ARSJ: variants seen among roughly 807,000 people sequenced by gnomAD.
ARSJ encodes the protein arylsulfatase J.
Under a neutral mutation model 35.9 loss-of-function variants are expected in ARSJ, and 26 were observed. The ratio of observed to expected loss-of-function variants is 0.72; its 90% confidence interval spans 0.53 to 1.00. The LOEUF is 1.00. ARSJ is among the 50% of genes least tolerant of loss of function. ARSJ has a pLI of 0.00. For missense variants in ARSJ, 667 were observed against 723.6 expected, an observed-to-expected ratio of 0.92 and a Z score of 0.90; for synonymous variants, 294 against 267.6, an observed-to-expected ratio of 1.10 and a Z score of -0.96.
chr4:113,974,059 T>C (rs1029317097), intron 1 of ARSJ, among the ~76,000 whole-genome samples: 1 of 152,160 alleles, frequency 6.6e-6, no homozygotes, highest in Non-Finnish European at 1.5e-5. Flanking sequence ...GTCTTTTTAA[T>C]AAACAGTGTG....
intron 1 of ARSJ, among the ~76,000 whole-genome samples, chr4:113,904,451 T>A (rs2099668114): frequency 6.6e-6 from 1 of 152,136 alleles, no homozygotes; most frequent in South Asian, 2.1e-4. Context: ...CAAGGAAAAA[T>A]TAGAGAAAAA....
At position 113,924,241 on chromosome 4, in the gene ARSJ, G is replaced by A. The variant is rs893371989; in HGVS notation, c.399-20566C>T. On this transcript the variant is annotated intron_variant, in intron 1 of 1. Transcript: ENST00000315366. Reference sequence around the variant, plus strand: ...AAAACTGAAGAACTTGGAGTCCAACGTTCGAGGGCAGGAAGCAGCCAGCAT... The same window carrying A: ...AAAACTGAAGAACTTGGAGTCCAACATTCGAGGGCAGGAAGCAGCCAGCAT... Among the ~76,000 whole-genome samples, 12 of 151,446 alleles carry A rather than the reference G, an allele frequency of 7.9e-5. No homozygotes were observed. The Middle Eastern group carries it at 0.01, about 130-fold the overall frequency.
At chr4:113,918,616 T>C (rs933188503) in intron 1 of ARSJ, among the ~76,000 whole-genome samples, 5 of 152,148 alleles carry the variant, frequency 3.3e-5, no homozygotes, top group Admixed American at 2.0e-4. Flanking sequence ...ATAGATATAT[T>C]AATCAATGCC....
chr4:113,948,350 G>C (rs559649033), intron 1 of ARSJ, among the ~76,000 whole-genome samples: 3 of 151,964 alleles, frequency 2.0e-5, no homozygotes, highest in Non-Finnish European at 2.9e-5. Flanking sequence ...AATCCAAATG[G>C]TTTACTGACA....
At position 113,978,865 on chromosome 4, in the gene ARSJ, G is replaced by A. The variant is rs1373882429; in HGVS notation, c.-31C>T. ...CAGGTCCCAGGTGAGACTCCACGCGGAGAACCACGCGCCCCGCGCCGCTGC... is the reference window on the plus strand; with the variant it reads ...CAGGTCCCAGGTGAGACTCCACGCGAAGAACCACGCGCCCCGCGCCGCTGC... On this transcript the variant is annotated 5_prime_UTR_variant, in exon 1 of 2. Transcript: ENST00000315366. 6.4e-7 allele frequency: 1 copy of A among 1,558,528 alleles called. No homozygotes were observed. Among genetic ancestry groups the A allele is most frequent in the Non-Finnish European group, 8.7e-7 (1 of 1,155,938 alleles).
chr4:113,939,346 T>C (rs1312452104), intron 1 of ARSJ, among the ~76,000 whole-genome samples: 3 of 149,476 alleles, frequency 2.0e-5, no homozygotes, highest in Admixed American at 6.8e-5. Flanking sequence ...GTCTTTGCTA[T>C]TGTGAATAGT....
At chr4:113,932,714 G>A (rs1562352207) in intron 1 of ARSJ, among the ~76,000 whole-genome samples, 1 of 152,098 alleles carries the variant, frequency 6.6e-6, no homozygotes, top group East Asian at 1.9e-4. Flanking sequence ...AAAGCAGCAT[G>A]AAGAGGAAAG....
rs894616548 is a variant in ARSJ, at chr4:113,902,975, T to C, written c.1099A>G (p.Lys367Glu). 1 of 1,614,060 alleles carries C rather than the reference T, an allele frequency of 6.2e-7. No homozygotes were observed. Among genetic ancestry groups the C allele is most frequent in the African/African-American group, 1.3e-5 (1 of 74,914 alleles). The change falls in exon 2 of 2, where the codon AAG (lysine) becomes GAG (glutamate). Residue 367 changes from lysine (K) to glutamate (E), a missense_variant. By Grantham distance (56) the Lys-to-Glu change is moderately conservative. Transcript: ENST00000315366. ...ACAAGTTCCTTACACACTGTTCCCT[T>C]GTTTTTCAGAAGTGGGCTATGCACA... is the stretch of plus-strand genomic sequence containing the variant. ...GFVHSPLLKN[K>E]GTVCKELVHI... is the part of the protein sequence containing the mutation.
At chr4:113,976,238 T>C (rs1262538704) in intron 1 of ARSJ, among the ~76,000 whole-genome samples, 8 of 152,222 alleles carry the variant, frequency 5.3e-5, no homozygotes, top group Non-Finnish European at 2.9e-5. Context: ...TGTGAAGATA[T>C]TTGAATCATG....
At chr4:113,927,042 G>A (rs1044338057) in intron 1 of ARSJ, among the ~76,000 whole-genome samples, 2 of 152,152 alleles carry the variant, frequency 1.3e-5, no homozygotes, top group African/African-American at 4.8e-5. Flanking sequence ...CTGTTGCAGA[G>A]CGTTCTTTTG....
intron 1 of ARSJ, among the ~76,000 whole-genome samples, chr4:113,959,408 C>T (rs1391121441): frequency 6.6e-6 from 1 of 151,812 alleles, no homozygotes; most frequent in African/African-American, 2.4e-5. Flanking sequence ...AAACATGAGT[C>T]AGAGTAATAA....
chr4:113,920,974 G>A (rs1723636638), intron 1 of ARSJ, among the ~76,000 whole-genome samples: 1 of 151,916 alleles, frequency 6.6e-6, no homozygotes, highest in Admixed American at 6.6e-5. Flanking sequence ...TTAAAGCTGG[G>A]CTTGCTACAT....
chr4:113,979,290 C>A lies in ARSJ; in HGVS notation c.-456G>T. 1 of 160,100 alleles carries A rather than the reference C, an allele frequency of 6.2e-6. No homozygotes were observed. The highest frequency in any genetic ancestry group is 1.4e-5 in the Non-Finnish European group (1 of 72,654). 9.9% of individuals were successfully genotyped at this position (160,100 alleles called of 1,614,324 possible). ...GCGGCGGGATCGGCCGTCTGTCCTG[C>A]GGTCCCCACACCTGGAAAGAACTGC... On this transcript the variant is annotated 5_prime_UTR_variant, in exon 1 of 2. Transcript: ENST00000315366.
At chr4:113,924,032 TATAA>T (rs1446074178) in intron 1 of ARSJ, among the ~76,000 whole-genome samples, 27 of 3,698 alleles carry the variant, frequency 7.3e-3, no homozygotes, top group African/African-American at 8.0e-3. Context: ...CATATATATA[TATAA>T]ATATATATAA....
At chr4:113,977,233 C>A (rs1389190872) in intron 1 of ARSJ, among the ~76,000 whole-genome samples, 1 of 152,140 alleles carries the variant, frequency 6.6e-6, no homozygotes, top group African/African-American at 2.4e-5. Flanking sequence ...TTTTCTGATG[C>A]CACAGTTAAC....
chr4:113,928,496 A>T (rs1724222159), intron 1 of ARSJ, among the ~76,000 whole-genome samples: 1 of 152,200 alleles, frequency 6.6e-6, no homozygotes, highest in South Asian at 2.1e-4. Context: ...GTAGGAATGC[A>T]GTAGGCTTCC....
rs186957138 is a variant in ARSJ at position 113,946,830 on chromosome 4, G to C, written c.398+31607C>G. On this transcript the variant is annotated intron_variant, in intron 1 of 1. Transcript: ENST00000315366. ...TGGCGACTTGAATTACAGCTGTTTT[G>C]TTTTTCTGTATAGTGATTTCTAATT... Among the ~76,000 whole-genome samples the C allele has an allele frequency of 5.7e-4, 86 of 152,098 alleles. No individual in the cohort carries two copies. In the Middle Eastern group the frequency reaches 0.01, roughly 18 times the overall value.
At chr4:113,904,724 C>T (rs1477162948) in intron 1 of ARSJ, among the ~76,000 whole-genome samples, 2 of 152,028 alleles carry the variant, frequency 1.3e-5, no homozygotes, top group South Asian at 4.2e-4. Flanking sequence ...CTCCTGACCT[C>T]GTGATCCGCC....
intron 1 of ARSJ, among the ~76,000 whole-genome samples, chr4:113,924,816 A>C (rs937404159): frequency 1.3e-5 from 2 of 152,198 alleles, no homozygotes; most frequent in Admixed American, 1.3e-4. Flanking sequence ...TGACAGTTAC[A>C]GTCCTCGTTT....
Sources: allele counts gnomAD v4.1 joint callset (sites outside exome capture counted in the v4.1 genomes callset), GRCh38; gene constraint gnomAD v4.1.1; transcripts MANE v1.5; gene names NCBI Gene and HGNC (gene_info 2026-07-23, HGNC 2026-07-21).